The following PHLPP2 variants were observed in gnomAD, a reference collection of about 807,000 sequenced individuals.
PHLPP2 encodes PH domain leucine-rich repeat-containing protein phosphatase 2.
In PHLPP2, 66 loss-of-function variants were observed where a neutral mutation model predicts 124.9. That is an observed-to-expected ratio of 0.53 (90% CI 0.43 to 0.65). PHLPP2 has a LOEUF of 0.65. Ranked by LOEUF, PHLPP2 falls within the 30% of genes least tolerant of loss-of-function variation. The pLI, the probability that PHLPP2 is intolerant of heterozygous loss-of-function variation, is 0.00. For synonymous variants in PHLPP2, 681 were observed against 624.7 expected, an observed-to-expected ratio of 1.09 and a Z score of -1.34; for missense variants, 1,685 against 1,600.4, an observed-to-expected ratio of 1.05 and a Z score of -0.90.
Position 71,646,877 on chromosome 16 carries a change from A to G in PHLPP2, c.*2013T>C, listed in dbSNP as rs146910671. 1 of 152,412 alleles carries G rather than the reference A, an allele frequency of 6.6e-6. No individual in the cohort carries two copies. Among genetic ancestry groups the G allele is most frequent in the East Asian group, 1.9e-4 (1 of 5,186 alleles). The allele number at this position is 152,412 out of a possible 1,614,324, so 9.4% of individuals were successfully genotyped here. A position where few individuals can be genotyped will look rare whatever the true frequency, so the allele number is the denominator to read the frequency against. On this transcript the variant is annotated 3_prime_UTR_variant, in exon 19 of 19. Coordinates refer to ENST00000568954, the MANE Select transcript of PHLPP2 (RefSeq NM_015020.3). ...TGACAATCTGGGGACTCAAGTTCAG[A>G]TTCTCGAGGGGTTGAACATTAGACA...
chr16:71,689,213 TTTATTA>T (rs2045082847), intron 4 of PHLPP2, among the ~76,000 whole-genome samples: 1 of 151,822 alleles, frequency 6.6e-6, no homozygotes, highest in Non-Finnish European at 1.5e-5. Flanking sequence ...TTTTCATATT[TTTATTA>T]TTATTTTTTT....
intron 3 of PHLPP2, among the ~76,000 whole-genome samples, chr16:71,695,805 T>C (rs566668084): frequency 6.6e-5 from 10 of 152,006 alleles, no homozygotes; most frequent in African/African-American, 2.2e-4. Flanking sequence ...GAAAAAAGCA[T>C]GAAGACCAAT....
intron 2 of PHLPP2, among the ~76,000 whole-genome samples, chr16:71,713,314 A>G (rs1477652738): frequency 3.3e-5 from 5 of 152,228 alleles, no homozygotes; most frequent in African/African-American, 1.2e-4. Context: ...CTATTTATAC[A>G]TAAAATTTAC....
At chr16:71,701,442 C>T (rs1052125674) in intron 3 of PHLPP2, among the ~76,000 whole-genome samples, 3 of 152,284 alleles carry the variant, frequency 2.0e-5, no homozygotes, top group South Asian at 4.1e-4. Flanking sequence ...TCAAACCATA[C>T]TAGCTTTTCT....
At chr16:71,656,716 C>A in intron 15 of PHLPP2, 35 bp from the exon 16 acceptor site, 2 of 1,230,774 alleles carry the variant, frequency 1.6e-6, no homozygotes, top group Non-Finnish European at 1.2e-6. Flanking sequence ...ACCATATATT[C>A]TTCTGTATTT....
chr16:71,723,673 C>A (rs2145393820), intron 1 of PHLPP2: 1 of 520,244 alleles, frequency 1.9e-6, no homozygotes, highest in Admixed American at 4.2e-5. Context: ...CTGCGCGGGG[C>A]GGGGGCGGCA....
intron 9 of PHLPP2, among the ~76,000 whole-genome samples, chr16:71,673,219 A>T: frequency 6.6e-6 from 1 of 152,200 alleles, no homozygotes; most frequent in East Asian, 1.9e-4. Context: ...ATTGAACGTA[A>T]GCCTAGAAGA....
intron 12 of PHLPP2, 142 bp downstream of exon 12, chr16:71,667,036 T>C (rs1038493586): frequency 5.2e-6 from 3 of 572,444 alleles, no homozygotes; most frequent in African/African-American, 1.9e-5. Context: ...TTCATAAAAA[T>C]TGCAAATAAG....
At chr16:71,668,575 AAT>A (rs1156628259) in intron 11 of PHLPP2, among the ~76,000 whole-genome samples, 1 of 152,088 alleles carries the variant, frequency 6.6e-6, no homozygotes, top group African/African-American at 2.4e-5. Context: ...CAGTGTGGCC[AAT>A]ATAGCAAAGC....
At chr16:71,676,226 T>C (rs889493074) in intron 9 of PHLPP2, among the ~76,000 whole-genome samples, 11 of 152,202 alleles carry the variant, frequency 7.2e-5, no homozygotes, top group African/African-American at 2.4e-4. Flanking sequence ...ATGCCTCTTA[T>C]TATGCTCAAT....
chr16:71,659,453 G>C (rs953957141), intron 13 of PHLPP2, among the ~76,000 whole-genome samples: 6 of 152,006 alleles, frequency 3.9e-5, no homozygotes, highest in Non-Finnish European at 7.4e-5. Context: ...GTTTCTCCAT[G>C]TTGGCCAGGA....
In PHLPP2 at chr16:71,669,381, T is replaced by C. The variant is rs907541634; in HGVS notation, c.1533-11A>G. 1 of 1,563,250 alleles carries C rather than the reference T, an allele frequency of 6.4e-7. No homozygotes were observed. Among genetic ancestry groups the C allele is most frequent in the Non-Finnish European group, 8.8e-7 (1 of 1,138,152 alleles). ...CACTCTAGCAGGTTTCTGCAGAAAA[T>C]AAATAATTAAATGGCACCATTTAAG... On this transcript the variant is annotated splice_polypyrimidine_tract_variant and intron_variant, in intron 10 of 18. Transcript: ENST00000568954.
chr16:71,668,500 G>A (rs1048588674), intron 11 of PHLPP2, among the ~76,000 whole-genome samples: 4 of 144,984 alleles, frequency 2.8e-5, no homozygotes, highest in Non-Finnish European at 6.0e-5. Flanking sequence ...GGTGGCTCAC[G>A]CCTGTAATCT....
chr16:71,666,134 G>C (rs2044837839), intron 12 of PHLPP2: 1 of 152,124 alleles, frequency 6.6e-6, no homozygotes, highest in Non-Finnish European at 1.5e-5. Context: ...GAACGATATA[G>C]AGAAGATTAG....
intron 12 of PHLPP2, among the ~76,000 whole-genome samples, chr16:71,665,857 A>G (rs2044835367): frequency 6.6e-6 from 1 of 152,222 alleles, no homozygotes; most frequent in Non-Finnish European, 1.5e-5. Flanking sequence ...CTTCCTTTAA[A>G]TACGTTTTAG....
chr16:71,672,417 G>C, intron 9 of PHLPP2, 95 bp from the exon 10 acceptor site: 1 of 864,996 alleles, frequency 1.2e-6, no homozygotes, highest in East Asian at 2.5e-5. Context: ...AATCACCAGA[G>C]AGAAAACTGA....
intron 2 of PHLPP2, among the ~76,000 whole-genome samples, chr16:71,713,081 C>A (rs2145381604): frequency 6.6e-6 from 1 of 152,194 alleles, no homozygotes; most frequent in South Asian, 2.1e-4. Context: ...AATTTTTCAA[C>A]ACACAAATGG....
intron 1 of PHLPP2, chr16:71,723,598 C>A (rs1341985253): frequency 2.4e-5 from 7 of 287,218 alleles, no homozygotes; most frequent in Non-Finnish European, 1.9e-5. Context: ...GCCTCGGCGT[C>A]CCCAGCCGGG....
chr16:71,690,805 T>C (rs2045104486), intron 3 of PHLPP2, 96 bp from the exon 4 acceptor site: 1 of 793,138 alleles, frequency 1.3e-6, no homozygotes, highest in African/African-American at 1.7e-5. Context: ...TTCAACAACC[T>C]TATTTATAGA....
Sources: allele counts gnomAD v4.1 joint callset (sites outside exome capture counted in the v4.1 genomes callset), GRCh38; gene constraint gnomAD v4.1.1; transcripts MANE v1.5; gene names NCBI Gene and HGNC (gene_info 2026-07-23, HGNC 2026-07-21).